PHAX: variants seen among roughly 807,000 people sequenced by gnomAD.
The protein encoded by PHAX is phosphorylated adapter RNA export protein.
In PHAX, 31 loss-of-function variants were observed where a neutral mutation model predicts 41.6. That is an observed-to-expected ratio of 0.75 (90% CI 0.56 to 1.01). PHAX has a LOEUF of 1.01. PHAX is among the 50% of genes least tolerant of loss of function. The pLI is 0.00. For synonymous variants in PHAX, 175 were observed against 164.9 expected (o/e 1.06, Z -0.47); for missense variants, 453 against 472.9 (o/e 0.96, Z 0.39).
chr5:126,619,449 G>T (rs1315614002), intron 4 of PHAX, among the ~76,000 whole-genome samples: 1 of 151,856 alleles, frequency 6.6e-6, no homozygotes, highest in Non-Finnish European at 1.5e-5. Flanking sequence ...GGTGGCGGGC[G>T]CCTGTAATCC....
At chr5:126,617,651 G>C (rs372909969) in intron 4 of PHAX, among the ~76,000 whole-genome samples, 1 of 151,952 alleles carries the variant, frequency 6.6e-6, no homozygotes, top group African/African-American at 2.4e-5. Flanking sequence ...GCTGATTTTT[G>C]TATTTTTAGT....
chr5:126,604,284 T>TTTTTTTG, intron 2 of PHAX, 101 bp downstream of exon 2: 1 of 1,243,402 alleles, frequency 8.0e-7, no homozygotes, highest in Non-Finnish European at 1.1e-6. Flanking sequence ...CTTTTTTTTT[T>TTTTTTTG]TTTTTTTTTG....
chr5:126,606,999 C>T (rs1464157308), intron 2 of PHAX, among the ~76,000 whole-genome samples: 1 of 152,110 alleles, frequency 6.6e-6, no homozygotes, highest in African/African-American at 2.4e-5. Context: ...AGTAGAATTG[C>T]TTGGTGTATG....
chr5:126,603,523 G>A, intron 1 of PHAX, 47 bp from the exon 2 acceptor site: 1 of 1,544,720 alleles, frequency 6.5e-7, no homozygotes. Flanking sequence ...TAGGTAGGTG[G>A]AGTTTATGTG....
At chr5:126,601,941 A>C (rs1275174781) in intron 1 of PHAX, among the ~76,000 whole-genome samples, 1 of 152,200 alleles carries the variant, frequency 6.6e-6, no homozygotes, top group Non-Finnish European at 1.5e-5. Context: ...TGCTGAGATT[A>C]CAGGTGTGAA....
intron 4 of PHAX, among the ~76,000 whole-genome samples, chr5:126,620,860 C>T (rs1320218806): frequency 6.6e-6 from 1 of 152,012 alleles, no homozygotes; most frequent in Non-Finnish European, 1.5e-5. Context: ...ACCTCAGCCT[C>T]TCGAGTAGCT....
chr5:126,603,194 C>T (rs887870489), intron 1 of PHAX, among the ~76,000 whole-genome samples: 7 of 151,510 alleles, frequency 4.6e-5, no homozygotes, highest in African/African-American at 1.5e-4. Flanking sequence ...AGCTCCACTG[C>T]ACTCCAGCCT....
At chr5:126,619,657 G>C (rs750906480) in intron 4 of PHAX, among the ~76,000 whole-genome samples, 11 of 151,346 alleles carry the variant, frequency 7.3e-5, no homozygotes, top group Non-Finnish European at 1.3e-4. Context: ...TTGTCTCCTT[G>C]TGGCTTTCAT....
intron 4 of PHAX, among the ~76,000 whole-genome samples, chr5:126,618,578 A>G (rs1728344061): frequency 6.6e-6 from 1 of 151,796 alleles, no homozygotes; most frequent in African/African-American, 2.4e-5. Context: ...CTAGGTTTCC[A>G]TATTCCATTT....
At chr5:126,611,543 TG>T (rs932250908) in intron 3 of PHAX, among the ~76,000 whole-genome samples, 1 of 151,958 alleles carries the variant, frequency 6.6e-6, no homozygotes, top group African/African-American at 2.4e-5. Flanking sequence ...CCCAGCACTT[TG>T]GGGGGCCAAG....
chr5:126,607,798 A>G (rs1752014360), intron 2 of PHAX, among the ~76,000 whole-genome samples: 1 of 152,198 alleles, frequency 6.6e-6, no homozygotes, highest in African/African-American at 2.4e-5. Context: ...TGAAAACGAT[A>G]GTACCTATCT....
At chr5:126,601,810 G>A (rs567876166) in intron 1 of PHAX, among the ~76,000 whole-genome samples, 2 of 152,138 alleles carry the variant, frequency 1.3e-5, no homozygotes, top group African/African-American at 2.4e-5. Flanking sequence ...GGGATTACAT[G>A]CGCCCGCTGC....
Position 126,608,411 on chromosome 5 carries a change from T to C in PHAX, c.758T>C (p.Ile253Thr). The change falls in exon 3 of 5, where the codon ATT (isoleucine) becomes ACT (threonine). Residue 253 changes from isoleucine to threonine, a missense_variant. Transcript: ENST00000297540. Reference sequence around the variant, plus strand: ...CTGATAGCCCGAGTAGTGAGGATTATTGGTAACAAAAAGGCAATTGAACTT... The same window carrying C: ...CTGATAGCCCGAGTAGTGAGGATTACTGGTAACAAAAAGGCAATTGAACTT... The part of the protein sequence containing the change: ...KDLIARVVRI[I>T]GNKKAIELLM... 4.3e-6 allele frequency: 7 copies of C among 1,613,862 alleles called. No individual in the cohort carries two copies. The highest frequency in any genetic ancestry group is 1.1e-5 in the South Asian group (1 of 91,070).
chr5:126,619,624 G>C (rs1752239141), intron 4 of PHAX, among the ~76,000 whole-genome samples: 1 of 151,058 alleles, frequency 6.6e-6, no homozygotes, highest in Non-Finnish European at 1.5e-5. Flanking sequence ...AGAATATTAG[G>C]TTACCTTATT....
chr5:126,609,095 A>ATTTTTTTTTTTTTTT lies in PHAX; in HGVS notation c.831+620_831+634dup, dbSNP rs761125079. 4.5e-4 allele frequency among the ~76,000 whole-genome samples: 46 copies of ATTTTTTTTTTTTTTT among 101,228 alleles called. 1 individual carries two copies. The highest frequency in any genetic ancestry group is 1.0e-3 in the African/African-American group (21 of 20,996). 66.4% of individuals were successfully genotyped at this position (101,228 alleles called of 152,430 possible). A position where few individuals can be genotyped will look rare whatever the true frequency, so the allele number is the denominator to read the frequency against. On this transcript the variant is annotated intron_variant, in intron 3 of 4. Transcript: ENST00000297540. The stretch of plus-strand genomic sequence containing the variant: ...ATGATTTGTTAAAGGTAGGGGTTGA[A>ATTTTTTTTTTTTTTT]TTTTTTTTTTTTTTTTTTTTTTTGA...
intron 4 of PHAX, among the ~76,000 whole-genome samples, chr5:126,618,670 GTT>G (rs1310062519): frequency 1.7e-5 from 2 of 120,352 alleles, no homozygotes; most frequent in Non-Finnish European, 1.7e-5. Flanking sequence ...TTTAAAAACT[GTT>G]TTTTTTTTTT....
chr5:126,625,164 T>A lies in PHAX; in HGVS notation c.*320T>A, dbSNP rs898724386. The A allele has an allele frequency of 4.4e-6, 1 of 227,466 alleles. No homozygotes were observed. The highest frequency in any genetic ancestry group is 2.3e-5 in the African/African-American group (1 of 44,034). The allele number at this position is 227,466 out of a possible 1,614,324, so 14.1% of individuals were successfully genotyped here. On this transcript the variant is annotated 3_prime_UTR_variant, in exon 5 of 5. Coordinates refer to ENST00000297540, the MANE Select transcript of PHAX (RefSeq NM_032177.4). ...TTGTAAGTTTGTTTGCTTTTTCAGG[T>A]TTATCTTTGCAGTGAATTATGCTTT...
At chr5:126,603,127 C>T (rs184938471) in intron 1 of PHAX, among the ~76,000 whole-genome samples, 3 of 151,484 alleles carry the variant, frequency 2.0e-5, no homozygotes, top group Admixed American at 6.6e-5. Flanking sequence ...TAGTCCCAGT[C>T]CCTCAGGAGG....
At chr5:126,601,146 G>A (rs1751891443) in intron 1 of PHAX, 88 bp downstream of exon 1, 7 of 935,616 alleles carry the variant, frequency 7.5e-6, no homozygotes, top group South Asian at 2.8e-5. Context: ...AGGGTGAGGG[G>A]TGGGAGCTAG....
Sources: allele counts gnomAD v4.1 joint callset (sites outside exome capture counted in the v4.1 genomes callset), GRCh38; gene constraint gnomAD v4.1.1; transcripts MANE v1.5; gene names NCBI Gene and HGNC (gene_info 2026-07-23, HGNC 2026-07-21).